The following POLE variants were observed in gnomAD, a reference collection of about 807,000 sequenced individuals.
The protein encoded by POLE is DNA polymerase epsilon, catalytic subunit.
In POLE, 188 loss-of-function variants were observed where a neutral mutation model predicts 279.2. The observed-to-expected ratio is 0.67, with a 90% CI of 0.60 to 0.76. The LOEUF is 0.76. Among genes scored for constraint, POLE ranks in the 30% least tolerant of loss-of-function variants. The pLI is 0.00. For missense variants in POLE, 2,703 were observed against 3,016.7 expected, an observed-to-expected ratio of 0.90 and a Z score of 2.44; for synonymous variants, 1,214 against 1,172.5, an observed-to-expected ratio of 1.04 and a Z score of -0.72.
At chr12:132,681,013 T>A in intron 2 of POLE, 125 bp downstream of exon 2, 2 of 1,164,830 alleles carry the variant, frequency 1.7e-6, no homozygotes, top group Admixed American at 2.3e-5. Context: ...GCTGGGAACC[T>A]TCACATCTCC....
intron 43 of POLE, chr12:132,633,162 C>T: frequency 6.9e-6 from 1 of 145,846 alleles, no homozygotes; most frequent in Non-Finnish European, 1.5e-5. Context: ...GGCACTTACC[C>T]TTTTTTTTTT....
chr12:132,668,538 G>T lies in POLE; in HGVS notation c.2027-36C>A. On this transcript the variant is annotated intron_variant, in intron 18 of 48. Transcript: ENST00000320574. The surrounding 1 kb of genome is among the most constrained non-coding windows in gnomAD (Gnocchi z 4.0). ...GGCAATGGGGGCAAGTTCAAAAGGAGGCACAGACACACCGGCTTCCCACCA... is the reference window on the plus strand; with the variant it reads ...GGCAATGGGGGCAAGTTCAAAAGGATGCACAGACACACCGGCTTCCCACCA... 1 of 1,581,310 alleles carries T rather than the reference G, an allele frequency of 6.3e-7. No individual in the cohort carries two copies. The highest frequency in any genetic ancestry group is 1.7e-5 in the Admixed American group (1 of 57,842).
intron 6 of POLE, among the ~76,000 whole-genome samples, chr12:132,678,825 C>T (rs763293883): frequency 3.9e-5 from 6 of 152,232 alleles, no homozygotes; most frequent in Non-Finnish European, 8.8e-5. Context: ...GGGAAAAAGA[C>T]AGACGAGTCT....
Position 132,680,227 on chromosome 12 carries a change from T to TA in POLE, c.286-6dup, listed in dbSNP as rs1460374392. 5.0e-6 allele frequency: 8 copies of TA among 1,613,492 alleles called. No homozygotes were observed. The Admixed American group carries it at 1.3e-4, about 27-fold the overall frequency. On this transcript the variant is annotated splice_region_variant and splice_polypyrimidine_tract_variant and intron_variant, in intron 3 of 48. Transcript: ENST00000320574. ...CGGTTTATAGGGCAAAGCCACCTGTTAAGAGTCACCAACCCATCCAGGGGT... is the reference window on the plus strand; with the variant it reads ...CGGTTTATAGGGCAAAGCCACCTGTTAAAGAGTCACCAACCCATCCAGGGGT...
rs2135971337 is a variant in POLE, at chr12:132,667,652, A to G, written c.2174-4T>C. 3 of 1,613,984 alleles carry G rather than the reference A, an allele frequency of 1.9e-6. No homozygotes were observed. Among genetic ancestry groups the G allele is most frequent in the Non-Finnish European group, 2.5e-6 (3 of 1,179,964 alleles). ...TTGTAGGCTTTCCGGCAGTAATCTA[A>G]GCACGACGGAGATGGGCAGAGCAGG... On this transcript the variant is annotated splice_region_variant and splice_polypyrimidine_tract_variant and intron_variant, in intron 19 of 48. Transcript: ENST00000320574.
intron 26 of POLE, among the ~76,000 whole-genome samples, chr12:132,658,880 C>CAAAA (rs2042610152): frequency 8.3e-5 from 1 of 12,046 alleles, no homozygotes; most frequent in African/African-American, 9.1e-4. Flanking sequence ...TATATAACCA[C>CAAAA]CAAAAAAAAA....
At chr12:132,640,319 T>C (rs2042116580) in intron 39 of POLE, among the ~76,000 whole-genome samples, 1 of 152,200 alleles carries the variant, frequency 6.6e-6, no homozygotes, top group African/African-American at 2.4e-5. Flanking sequence ...ACTGATTTTG[T>C]GCCTTCCCTC....
intron 29 of POLE, among the ~76,000 whole-genome samples, chr12:132,651,957 T>C (rs954824579): frequency 1.3e-5 from 2 of 152,224 alleles, no homozygotes; most frequent in African/African-American, 2.4e-5. Flanking sequence ...CAGCAATAGA[T>C]AGCTAACACG....
At chr12:132,672,528 C>T in intron 15 of POLE, 99 bp downstream of exon 15, 1 of 1,324,652 alleles carries the variant, frequency 7.5e-7, no homozygotes, top group Non-Finnish European at 1.1e-6. Context: ...GGCCGTGGGA[C>T]AGGATGGGGA....
At chr12:132,663,692 G>A (rs1470643544) in intron 23 of POLE, among the ~76,000 whole-genome samples, 2 of 152,230 alleles carry the variant, frequency 1.3e-5, no homozygotes, top group Admixed American at 1.3e-4. Context: ...TGGTTTATGC[G>A]AGGTCAGCAT....
In POLE at chr12:132,642,403, C is replaced by G. The variant is rs2138532273; in HGVS notation, c.4953-6G>C. 1.3e-6 allele frequency: 2 copies of G among 1,582,856 alleles called. No individual in the cohort carries two copies. Among genetic ancestry groups the G allele is most frequent in the Non-Finnish European group, 1.7e-6 (2 of 1,160,956 alleles). ...CAATGGGAATGTGAAAGTACCTGCA[C>G]CAGGGCACAGGTCAGCACCGGGGCA... On this transcript the variant is annotated splice_polypyrimidine_tract_variant and splice_region_variant and intron_variant, in intron 37 of 48. Coordinates refer to ENST00000320574, the MANE Select transcript of POLE (RefSeq NM_006231.4).
At chr12:132,656,160 G>A (rs2042532579) in intron 29 of POLE, among the ~76,000 whole-genome samples, 1 of 152,078 alleles carries the variant, frequency 6.6e-6, no homozygotes, top group African/African-American at 2.4e-5. Context: ...TACACTAGAG[G>A]CTGAGGCAGG....
rs1283455054 is a variant in POLE at position 132,634,092 on chromosome 12, G to A, written c.6004+94C>T. 3 of 1,159,844 alleles carry A rather than the reference G, an allele frequency of 2.6e-6. No homozygotes were observed. In the East Asian group the frequency reaches 7.3e-5, roughly 28 times the overall value. The allele number at this position is 1,159,844 out of a possible 1,614,324, so 71.8% of individuals were successfully genotyped here. A position where few individuals can be genotyped will look rare whatever the true frequency, so the allele number is the denominator to read the frequency against. On this transcript the variant is annotated intron_variant, in intron 43 of 48. Coordinates refer to ENST00000320574, the MANE Select transcript of POLE (RefSeq NM_006231.4). This position sits in a 1 kb window ranked among gnomAD's most constrained non-coding sequence, Gnocchi z 4.0. ...GGCTCCGCCCGATCTGATTTTCCCT[G>A]TCTCCCTTCTTGCGATACCATGGCA...
intron 26 of POLE, 22 bp downstream of exon 26, chr12:132,659,273 C>T (rs1178538106): frequency 1.2e-6 from 2 of 1,609,180 alleles, no homozygotes; most frequent in East Asian, 2.2e-5. Flanking sequence ...CCTCACCTCT[C>T]CGTGATGGGG....
intron 29 of POLE, 69 bp downstream of exon 29, chr12:132,657,067 C>A: frequency 6.5e-7 from 1 of 1,535,602 alleles, no homozygotes; most frequent in Non-Finnish European, 9.0e-7. Flanking sequence ...CACACAGCAG[C>A]GCAAGAAGCC....
intron 45 of POLE, 104 bp from the exon 46 acceptor site, chr12:132,626,421 C>G: frequency 9.4e-7 from 1 of 1,058,534 alleles, no homozygotes; most frequent in South Asian, 1.4e-5. Context: ...TCCTGGTGTC[C>G]TTTCCTCCCT....
At chr12:132,646,258 C>T (rs981276610) in intron 32 of POLE, among the ~76,000 whole-genome samples, 5 of 152,060 alleles carry the variant, frequency 3.3e-5, no homozygotes, top group Non-Finnish European at 5.9e-5. Context: ...GAAATCAGGC[C>T]AGCAGAAGGT....
In POLE at chr12:132,651,811, C is replaced by T. The variant is rs191120888; in HGVS notation, c.3583-1922G>A. The stretch of plus-strand genomic sequence containing the variant: ...CCATGGAGCAGGGGACTAAGGATAA[C>T]GTCCAGACAAAGGCCAAGGAGGAAC... On this transcript the variant is annotated intron_variant, in intron 29 of 48. Transcript: ENST00000320574. Among the ~76,000 whole-genome samples the T allele has an allele frequency of 4.2e-4, 64 of 152,346 alleles. 1 individual carries two copies. In the Middle Eastern group the frequency reaches 0.017, roughly 40 times the overall value.
rs551185075 is a variant in POLE at position 132,638,008 on chromosome 12, C to A, written c.5678+6G>T. The A allele has an allele frequency of 1.7e-5, 27 of 1,613,278 alleles. No homozygotes were observed. The South Asian group carries it at 3.0e-4, about 18-fold the overall frequency. ...GTGCTGCGTCACCAGGACCAGCCAGCCGCACCTGCTGGTGATGTACTCCAC... is the reference window on the plus strand; with the variant it reads ...GTGCTGCGTCACCAGGACCAGCCAGACGCACCTGCTGGTGATGTACTCCAC... On this transcript the variant is annotated splice_donor_region_variant and intron_variant, in intron 41 of 48. Transcript: ENST00000320574.
Sources: gnomAD v4.1 joint callset for allele counts (sites outside exome capture counted in the v4.1 genomes callset) on GRCh38, gnomAD v4.1.1 for gene constraint, Gnocchi (gnomAD v3.1) non-coding constraint, MANE v1.5 for transcripts, NCBI Gene and HGNC (gene_info 2026-07-23, HGNC 2026-07-21) for gene names.